The following GUCY1A2 variants were observed in gnomAD, a reference collection of about 807,000 sequenced individuals.
The protein encoded by GUCY1A2 is guanylate cyclase soluble subunit alpha-2.
A neutral mutation model predicts 63.5 loss-of-function variants in GUCY1A2; 27 were observed. The observed-to-expected ratio is 0.43, with a 90% CI of 0.31 to 0.59. The LOEUF is 0.59. GUCY1A2 is among the 20% of genes least tolerant of loss of function. GUCY1A2 has a pLI of 0.11. For missense variants in GUCY1A2, 768 were observed against 913.3 expected (o/e 0.84, Z 2.05); for synonymous variants, 364 against 343.5 (o/e 1.06, Z -0.66).
At chr11:106,876,003 CTAAG>C in intron 4 of GUCY1A2, among the ~76,000 whole-genome samples, 1 of 152,024 alleles carries the variant, frequency 6.6e-6, no homozygotes, top group Admixed American at 6.6e-5. Context: ...TTTTATTCAA[CTAAG>C]TGTTGACCCT....
intron 3 of GUCY1A2, among the ~76,000 whole-genome samples, chr11:106,958,614 A>T (rs1356292603): frequency 3.5e-5 from 5 of 141,108 alleles, no homozygotes; most frequent in East Asian, 2.0e-4. Flanking sequence ...TTTAATATAA[A>T]AAAAAAAAAG....
chr11:106,716,093 A>C (rs1412655133), intron 6 of GUCY1A2, among the ~76,000 whole-genome samples: 1 of 152,168 alleles, frequency 6.6e-6, no homozygotes, highest in African/African-American at 2.4e-5. Flanking sequence ...GTAAAGTGAA[A>C]ATAATGTTCA....
At chr11:106,708,696 A>G in intron 6 of GUCY1A2, 30 bp from the exon 7 acceptor site, 1 of 1,486,140 alleles carries the variant, frequency 6.7e-7, no homozygotes, top group Non-Finnish European at 9.1e-7. Flanking sequence ...GAAAAGGAAC[A>G]TATTTGTTTC....
intron 5 of GUCY1A2, among the ~76,000 whole-genome samples, chr11:106,792,196 G>C (rs1001659114): frequency 1.3e-5 from 2 of 152,000 alleles, no homozygotes; most frequent in Non-Finnish European, 2.9e-5. Context: ...GACCAGCTTG[G>C]CCAACATAGT....
At chr11:106,734,828 T>C (rs1201457877) in intron 6 of GUCY1A2, among the ~76,000 whole-genome samples, 1 of 152,094 alleles carries the variant, frequency 6.6e-6, no homozygotes, top group Non-Finnish European at 1.5e-5. Flanking sequence ...TAGCGGAAGA[T>C]GAGCAAAAGA....
Position 107,015,252 on chromosome 11 carries a change from A to C in GUCY1A2, c.303+2501T>G, listed in dbSNP as rs187431438. ...ACAGACCCTTTTCATAATAGAAAAC[A>C]ACTATGGCATGGAAAGTATATAGAG... On this transcript the variant is annotated intron_variant, in intron 1 of 7. Coordinates refer to ENST00000526355, the MANE Select transcript of GUCY1A2 (RefSeq NM_000855.3). Among the ~76,000 whole-genome samples, 4 of 152,304 alleles carry C rather than the reference A, an allele frequency of 2.6e-5. No individual in the cohort carries two copies. The East Asian group carries it at 7.7e-4, about 29-fold the overall frequency.
intron 1 of GUCY1A2, among the ~76,000 whole-genome samples, chr11:106,994,316 C>T (rs1156686181): frequency 6.6e-6 from 1 of 152,188 alleles, no homozygotes; most frequent in Non-Finnish European, 1.5e-5. Flanking sequence ...CCCTTTGTTA[C>T]ATCACTTTAA....
chr11:106,773,535 C>T (rs1371154309), intron 6 of GUCY1A2, among the ~76,000 whole-genome samples: 4 of 152,242 alleles, frequency 2.6e-5, no homozygotes, highest in African/African-American at 7.2e-5. Flanking sequence ...CATGTGTAAA[C>T]GTCTAGGAGA....
rs1862469513 is a variant in GUCY1A2, at chr11:106,683,643, G to A, written c.*3906C>T. The A allele has an allele frequency of 8.8e-6, 2 of 226,842 alleles. No homozygotes were observed. Among genetic ancestry groups the A allele is most frequent in the East Asian group, 1.3e-4 (2 of 15,948 alleles). The allele number at this position is 226,842 out of a possible 1,614,324, so 14.1% of individuals were successfully genotyped here. A position where few individuals can be genotyped will look rare whatever the true frequency, so the allele number is the denominator to read the frequency against. On this transcript the variant is annotated 3_prime_UTR_variant, in exon 8 of 8. Transcript: ENST00000526355. ...TGTTTGCTGTGGCCAGGCGTGAGGG[G>A]GTGAGATGGTTTCTAGTGACAGAAT...
intron 6 of GUCY1A2, among the ~76,000 whole-genome samples, chr11:106,765,627 C>G (rs1864149312): frequency 6.6e-6 from 1 of 152,094 alleles, no homozygotes; most frequent in Non-Finnish European, 1.5e-5. Context: ...AAACAGCAAG[C>G]CTCCAAAGTA....
rs983300905 is a variant in GUCY1A2, at chr11:106,676,636, G to A, written c.*10913C>T. 2 of 190,818 alleles carry A rather than the reference G, an allele frequency of 1.0e-5. No individual in the cohort carries two copies. The highest frequency in any genetic ancestry group is 2.3e-5 in the African/African-American group (1 of 42,954). 11.8% of individuals were successfully genotyped at this position (190,818 alleles called of 1,614,324 possible). On this transcript the variant is annotated 3_prime_UTR_variant, in exon 8 of 8. Coordinates refer to ENST00000526355, the MANE Select transcript of GUCY1A2 (RefSeq NM_000855.3). ...TTACAGAAGGGTATCTAAGAAAGAA[G>A]ACAGTGCATCAGTTATCTCTAGATA...
In GUCY1A2 at chr11:106,937,306, C is replaced by A. The variant is rs541200401; in HGVS notation, c.1206+2154G>T. 7.2e-5 allele frequency among the ~76,000 whole-genome samples: 11 copies of A among 152,224 alleles called. No individual in the cohort carries two copies. In the South Asian group the frequency reaches 2.3e-3, roughly 32 times the overall value. On this transcript the variant is annotated intron_variant, in intron 4 of 7. Transcript: ENST00000526355. ...CCTTATTATTGGAATTGGCAGGGGGCCTTGACATTTGAGTCATCATTTCAT... is the reference window on the plus strand; with the variant it reads ...CCTTATTATTGGAATTGGCAGGGGGACTTGACATTTGAGTCATCATTTCAT...
Position 106,677,416 on chromosome 11 carries a change from CA to C in GUCY1A2, c.*10132del. 9.6e-6 allele frequency: 2 copies of C among 208,256 alleles called. No individual in the cohort carries two copies. The highest frequency in any genetic ancestry group is 2.0e-5 in the Non-Finnish European group (2 of 102,114). The allele number at this position is 208,256 out of a possible 1,614,324, so 12.9% of individuals were successfully genotyped here. A position where few individuals can be genotyped will look rare whatever the true frequency, so the allele number is the denominator to read the frequency against. ...ACTCTTGCATGGTTTCTCATTAGCACAAAAAATATACTAATGTTTAATTAGA... is the reference window on the plus strand; with the variant it reads ...ACTCTTGCATGGTTTCTCATTAGCACAAAAATATACTAATGTTTAATTAGA... On this transcript the variant is annotated 3_prime_UTR_variant, in exon 8 of 8. Coordinates refer to ENST00000526355, the MANE Select transcript of GUCY1A2 (RefSeq NM_000855.3).
intron 6 of GUCY1A2, among the ~76,000 whole-genome samples, chr11:106,739,987 T>C (rs962546769): frequency 2.0e-5 from 3 of 150,852 alleles, no homozygotes; most frequent in Non-Finnish European, 4.4e-5. Flanking sequence ...TTACACCTCA[T>C]TGAGAGGCAC....
chr11:106,915,472 C>T (rs780525589), intron 4 of GUCY1A2, among the ~76,000 whole-genome samples: 14 of 152,006 alleles, frequency 9.2e-5, no homozygotes, highest in Non-Finnish European at 1.8e-4. Flanking sequence ...CACTAAAAAA[C>T]GACAACACAT....
intron 6 of GUCY1A2, among the ~76,000 whole-genome samples, chr11:106,770,599 A>C (rs1171029106): frequency 2.6e-5 from 4 of 152,036 alleles, no homozygotes; most frequent in African/African-American, 9.6e-5. Flanking sequence ...ATTAAAAATT[A>C]TTAGAGAATA....
chr11:106,890,142 G>A lies in GUCY1A2; in HGVS notation c.1206+49318C>T, dbSNP rs566047514. Among the ~76,000 whole-genome samples, 11 of 152,184 alleles carry A rather than the reference G, an allele frequency of 7.2e-5. No individual in the cohort carries two copies. The South Asian group carries it at 8.3e-4, about 11-fold the overall frequency. On this transcript the variant is annotated intron_variant, in intron 4 of 7. Coordinates refer to ENST00000526355, the MANE Select transcript of GUCY1A2 (RefSeq NM_000855.3). ...AATTGTTATCTTATCTTCATTGCCC[G>A]TTAAATCTGCTACTGTATGTTTTTC...
chr11:106,964,313 C>T lies in GUCY1A2; in HGVS notation c.487+14306G>A, dbSNP rs865785008. ...TAGTTTCCTTTCTTCAAGAATACTC[C>T]TCAGTCTTTATTTGTCTTTCAAACA... On this transcript the variant is annotated intron_variant, in intron 3 of 7. Coordinates refer to ENST00000526355, the MANE Select transcript of GUCY1A2 (RefSeq NM_000855.3). Among the ~76,000 whole-genome samples, 29 of 152,260 alleles carry T rather than the reference C, an allele frequency of 1.9e-4. No individual in the cohort carries two copies. In the Middle Eastern group the frequency reaches 0.014, roughly 71 times the overall value.
chr11:107,000,947 A>C (rs1565356059), intron 1 of GUCY1A2, among the ~76,000 whole-genome samples: 2 of 152,240 alleles, frequency 1.3e-5, no homozygotes, highest in Non-Finnish European at 2.9e-5. Flanking sequence ...GAATTTGGTC[A>C]ATACTCATTA....
Sources: allele counts gnomAD v4.1 joint callset (sites outside exome capture counted in the v4.1 genomes callset), GRCh38; gene constraint gnomAD v4.1.1; transcripts MANE v1.5; gene names NCBI Gene and HGNC (gene_info 2026-07-23, HGNC 2026-07-21).